The following UPP2 variants were observed in gnomAD, a reference collection of about 807,000 sequenced individuals.
UPP2 encodes the protein uridine phosphorylase 2.
In UPP2, 23 loss-of-function variants were observed where a neutral mutation model predicts 26.7. The ratio of observed to expected loss-of-function variants is 0.86; its 90% CI spans 0.62 to 1.22. UPP2 has a LOEUF of 1.22. UPP2 is among the 50% of genes most tolerant of loss of function. UPP2 has a pLI of 0.00. For missense variants in UPP2, 387 were observed against 396.7 expected (o/e 0.98, Z 0.21); for synonymous variants, 127 against 141.3 (o/e 0.90, Z 0.72).
At chr2:158,086,080 C>A (rs532107889) in intron 3 of UPP2, among the ~76,000 whole-genome samples, 1 of 152,012 alleles carries the variant, frequency 6.6e-6, no homozygotes, top group African/African-American at 2.4e-5. Flanking sequence ...AGGATTGGCA[C>A]GAATTCTTCT....
chr2:158,131,478 G>A (rs1172990069), intron 6 of UPP2, among the ~76,000 whole-genome samples: 4 of 152,100 alleles, frequency 2.6e-5, no homozygotes, highest in Non-Finnish European at 4.4e-5. Context: ...GTGTGTATTG[G>A]CAGATGTGTA....
At chr2:158,066,081 T>A in intron 3 of UPP2, 1 of 254,654 alleles carries the variant, frequency 3.9e-6, no homozygotes, top group East Asian at 1.1e-4. Flanking sequence ...CTGGGGTCCC[T>A]GATGCTATTG....
intron 2 of UPP2, among the ~76,000 whole-genome samples, chr2:158,004,659 G>T (rs77903391): frequency 6.6e-6 from 1 of 152,106 alleles, no homozygotes; most frequent in East Asian, 1.9e-4. Flanking sequence ...ACAAGTAAAC[G>T]CCCAACTTTC....
intron 2 of UPP2, among the ~76,000 whole-genome samples, chr2:157,997,844 C>T (rs1356468701): frequency 6.6e-6 from 1 of 152,166 alleles, no homozygotes; most frequent in Non-Finnish European, 1.5e-5. Flanking sequence ...ACTACAATCA[C>T]CCCCTCTTAC....
rs543258514 is a variant in UPP2 at position 158,056,710 on chromosome 2, TAGA to T, written c.147+40827_147+40829del. Among the ~76,000 whole-genome samples the T allele has an allele frequency of 1.6e-4, 25 of 152,318 alleles. No individual in the cohort carries two copies. The East Asian group carries it at 4.8e-3, about 29-fold the overall frequency. ...TATCTTCACATGGCCGTGAGATTCT[TAGA>T]AGGACGGCAGTCGTACTGGATTCAG... On this transcript the variant is annotated intron_variant, in intron 3 of 9. Transcript: ENST00000605860.
At chr2:158,024,137 T>G (rs192694202) in intron 3 of UPP2, among the ~76,000 whole-genome samples, 1 of 152,164 alleles carries the variant, frequency 6.6e-6, no homozygotes, top group Admixed American at 6.5e-5. Flanking sequence ...ACCTGCATTT[T>G]AAAGATCTTA....
Position 158,083,867 on chromosome 2 carries a change from T to C in UPP2, c.148-18173T>C, listed in dbSNP as rs111577851. 1.2e-4 allele frequency among the ~76,000 whole-genome samples: 17 copies of C among 145,878 alleles called. 1 individual carries two copies. In the Admixed American group the frequency reaches 1.2e-3, roughly 10 times the overall value. On this transcript the variant is annotated intron_variant, in intron 3 of 9. Transcript: ENST00000605860. ...ATGTCTGTTTATATATATATGTTTT[T>C]TATATATATATATATATCTCACAAG...
chr2:158,056,330 A>G (rs1343155939), intron 3 of UPP2, among the ~76,000 whole-genome samples: 2 of 152,032 alleles, frequency 1.3e-5, no homozygotes, highest in African/African-American at 4.8e-5. Context: ...ATTTGTTACA[A>G]TTAATGATCC....
intron 3 of UPP2, among the ~76,000 whole-genome samples, chr2:158,062,035 C>T (rs1341409865): frequency 6.6e-6 from 1 of 152,238 alleles, no homozygotes; most frequent in Non-Finnish European, 1.5e-5. Context: ...TATTTACATA[C>T]AGACTACAGC....
intron 3 of UPP2, among the ~76,000 whole-genome samples, chr2:158,025,069 C>T (rs571899271): frequency 5.5e-4 from 84 of 151,840 alleles, no homozygotes; most frequent in African/African-American, 1.9e-3. Context: ...GGCATGATGG[C>T]GGGGTGCCTG....
chr2:158,135,004 G>A lies in UPP2; in HGVS notation c.*114G>A. 1 of 1,232,458 alleles carries A rather than the reference G, an allele frequency of 8.1e-7. No homozygotes were observed. The highest frequency in any genetic ancestry group is 1.5e-5 in the African/African-American group (1 of 64,854). 76.3% of individuals were successfully genotyped at this position (1,232,458 alleles called of 1,614,324 possible). ...TATAGTTCTCATCCACATGCTAAAT[G>A]GAAAGACTTTATGAAATCCTTCTCT... On this transcript the variant is annotated 3_prime_UTR_variant, in exon 7 of 7. Coordinates refer to ENST00000005756, the MANE Select transcript of UPP2 (RefSeq NM_173355.4).
In UPP2 at chr2:158,135,339, T is replaced by C. The variant is rs1417816065; in HGVS notation, c.*449T>C. 2.6e-5 allele frequency: 4 copies of C among 153,222 alleles called. No homozygotes were observed. The highest frequency in any genetic ancestry group is 5.8e-5 in the Non-Finnish European group (4 of 68,566). 9.5% of individuals were successfully genotyped at this position (153,222 alleles called of 1,614,324 possible). Reference sequence around the variant, plus strand: ...TTCAAAATATTTACAGAAAAAAGTGTCAGTGAAATGTAGGTCTATATGGAA... The same window carrying C: ...TTCAAAATATTTACAGAAAAAAGTGCCAGTGAAATGTAGGTCTATATGGAA... On this transcript the variant is annotated 3_prime_UTR_variant, in exon 7 of 7. Coordinates refer to ENST00000005756, the MANE Select transcript of UPP2 (RefSeq NM_173355.4).
intron 3 of UPP2, among the ~76,000 whole-genome samples, chr2:158,116,860 C>T (rs904200008): frequency 2.0e-5 from 3 of 149,178 alleles, no homozygotes; most frequent in Admixed American, 6.6e-5. Flanking sequence ...AGGATGCTTA[C>T]TAAACATTTG....
At chr2:158,050,908 A>G (rs1161405327) in intron 3 of UPP2, among the ~76,000 whole-genome samples, 6 of 152,190 alleles carry the variant, frequency 3.9e-5, no homozygotes, top group Non-Finnish European at 4.4e-5. Context: ...ATTTAAAAAT[A>G]ACTAAAAGAG....
At chr2:158,084,572 C>A (rs116378011) in intron 3 of UPP2, among the ~76,000 whole-genome samples, 1,556 of 152,168 alleles carry the variant, frequency 0.01, 29 homozygotes, top group African/African-American at 0.035. Flanking sequence ...TTTGCCTAAG[C>A]CAATATCGAC....
rs567665413 is a variant in UPP2 at position 158,037,341 on chromosome 2, C to T, written c.147+21455C>T. Among the ~76,000 whole-genome samples, 9 of 152,170 alleles carry T rather than the reference C, an allele frequency of 5.9e-5. No individual in the cohort carries two copies. In the East Asian group the frequency reaches 1.7e-3, roughly 29 times the overall value. On this transcript the variant is annotated intron_variant, in intron 3 of 9. Coordinates refer to the UPP2 transcript ENST00000605860. ...AGTGAGCCGAGATTGTGCCATTGCA[C>T]TCCAGCCTGGGCAACAGGCTGGAGA... is the stretch of plus-strand genomic sequence containing the variant.
rs190834280 is a variant in UPP2 at position 158,044,808 on chromosome 2, G to A, written c.147+28922G>A. 3.2e-3 allele frequency among the ~76,000 whole-genome samples: 489 copies of A among 152,184 alleles called. 3 individuals are homozygous for A. Among genetic ancestry groups the A allele is most frequent in the African/African-American group, 0.011 (466 of 41,508 alleles). ...CCAGAGAGTCCTCTGTAACCTAAAC[G>A]GCTCTAGTAAGATGTTTGCTGTTTC... On this transcript the variant is annotated intron_variant, in intron 3 of 9. Coordinates refer to the UPP2 transcript ENST00000605860.
At chr2:158,060,211 T>C (rs908526694) in intron 3 of UPP2, among the ~76,000 whole-genome samples, 25 of 152,126 alleles carry the variant, frequency 1.6e-4, no homozygotes, top group African/African-American at 5.3e-4. Context: ...GAGTTTTATA[T>C]CTGGACTCAG....
intron 3 of UPP2, among the ~76,000 whole-genome samples, chr2:158,058,095 C>T (rs1290978555): frequency 2.6e-5 from 4 of 151,892 alleles, no homozygotes; most frequent in African/African-American, 9.7e-5. Context: ...AGATCGAGAC[C>T]ATCCTAGCTA....
Sources: gnomAD v4.1 joint callset for allele counts (sites outside exome capture counted in the v4.1 genomes callset) on GRCh38, gnomAD v4.1.1 for gene constraint, MANE v1.5 for transcripts, NCBI Gene and HGNC (gene_info 2026-07-23, HGNC 2026-07-21) for gene names.